Variants in EYA4 observed in about 807,000 individuals in gnomAD.
EYA4 encodes the protein EYA transcriptional coactivator and phosphatase 4, also known as protein phosphatase EYA4.
Under a neutral mutation model 87.9 loss-of-function variants are expected in EYA4, and 31 were observed. That is an observed-to-expected ratio of 0.35 (90% CI 0.27 to 0.48). The LOEUF (loss-of-function observed/expected upper bound fraction) is 0.48. EYA4 is among the 20% of genes least tolerant of loss of function. The pLI is 0.99. For missense variants in EYA4, 678 were observed against 761.4 expected (o/e 0.89, Z 1.29); for synonymous variants, 263 against 270.6 (o/e 0.97, Z 0.28).
At chr6:133,501,718 A>T (rs1004799886) in intron 13 of EYA4, among the ~76,000 whole-genome samples, 4 of 152,176 alleles carry the variant, frequency 2.6e-5, no homozygotes, top group African/African-American at 9.7e-5. Context: ...CAAAAGAATA[A>T]CTGTTTCAAG....
chr6:133,362,140 C>T (rs1784493919), intron 2 of EYA4, among the ~76,000 whole-genome samples: 2 of 152,140 alleles, frequency 1.3e-5, no homozygotes, highest in African/African-American at 4.8e-5. Context: ...AAAGTATTAA[C>T]CCTCAAGGTT....
At chr6:133,453,359 C>A (rs924443926) in intron 5 of EYA4, among the ~76,000 whole-genome samples, 7 of 151,844 alleles carry the variant, frequency 4.6e-5, no homozygotes, top group African/African-American at 1.7e-4. Context: ...GTGAAAATAA[C>A]GTTGTTTTCC....
intron 9 of EYA4, among the ~76,000 whole-genome samples, chr6:133,463,738 T>C (rs933709723): frequency 6.6e-6 from 1 of 152,184 alleles, no homozygotes; most frequent in Non-Finnish European, 1.5e-5. Flanking sequence ...TTACTATCTG[T>C]CATTTTGTCT....
intron 1 of EYA4, among the ~76,000 whole-genome samples, chr6:133,252,978 C>G (rs897332392): frequency 6.7e-5 from 10 of 150,212 alleles, no homozygotes; most frequent in Non-Finnish European, 1.5e-4. Context: ...CACACACACA[C>G]ACACACACAC....
chr6:133,362,337 A>T (rs1784508649), intron 2 of EYA4, among the ~76,000 whole-genome samples: 1 of 152,170 alleles, frequency 6.6e-6, no homozygotes, highest in African/African-American at 2.4e-5. Context: ...GGTATTGACT[A>T]GTCTTTGGGC....
At chr6:133,350,287 G>A (rs893346648) in intron 2 of EYA4, among the ~76,000 whole-genome samples, 1 of 152,118 alleles carries the variant, frequency 6.6e-6, no homozygotes, top group Non-Finnish European at 1.5e-5. Flanking sequence ...CCTACTTGGA[G>A]GGGAGAGAAA....
At chr6:133,286,979 C>A (rs1241688456) in intron 2 of EYA4, among the ~76,000 whole-genome samples, 1 of 152,044 alleles carries the variant, frequency 6.6e-6, no homozygotes, top group East Asian at 1.9e-4. Flanking sequence ...GTCAGTAGCA[C>A]CCCCCTTCCT....
At chr6:133,356,746 A>AGTGTGTGTGTGT (rs58234857) in intron 2 of EYA4, among the ~76,000 whole-genome samples, 2 of 136,796 alleles carry the variant, frequency 1.5e-5, no homozygotes, top group Non-Finnish European at 3.1e-5. Context: ...AGCATTATTC[A>AGTGTGTGTGTGT]GTGTGTGTGT....
intron 2 of EYA4, among the ~76,000 whole-genome samples, chr6:133,372,426 G>A (rs962764750): frequency 1.3e-5 from 2 of 151,328 alleles, no homozygotes; most frequent in Non-Finnish European, 3.0e-5. Context: ...CTGAGAAAAG[G>A]TGATTTGTAA....
At chr6:133,458,712 TG>T (rs1794119420) in intron 6 of EYA4, among the ~76,000 whole-genome samples, 1 of 152,240 alleles carries the variant, frequency 6.6e-6, no homozygotes, top group South Asian at 2.1e-4. Context: ...AAGTGTCCCC[TG>T]GCAGGCAAAA....
At chr6:133,419,719 G>A (rs1177259468) in intron 3 of EYA4, among the ~76,000 whole-genome samples, 4 of 152,258 alleles carry the variant, frequency 2.6e-5, no homozygotes, top group Non-Finnish European at 4.4e-5. Flanking sequence ...AAAAAAGTCT[G>A]TGCAATTAAA....
intron 14 of EYA4, among the ~76,000 whole-genome samples, chr6:133,508,486 G>C (rs1022593147): frequency 4.6e-5 from 7 of 151,908 alleles, no homozygotes; most frequent in Admixed American, 4.6e-4. Context: ...AATATTATTA[G>C]TCTTTTCAAA....
chr6:133,320,932 C>G (rs1436353009), intron 2 of EYA4, among the ~76,000 whole-genome samples: 4 of 152,096 alleles, frequency 2.6e-5, no homozygotes, highest in Non-Finnish European at 4.4e-5. Flanking sequence ...ATTGATTCAA[C>G]AATGGTCTAA....
intron 1 of EYA4, chr6:133,247,557 A>G (rs1774510682): frequency 6.6e-6 from 1 of 152,224 alleles, no homozygotes; most frequent in Non-Finnish European, 1.5e-5. Context: ...CATTCAATTT[A>G]TCTGGTTATC....
intron 11 of EYA4, among the ~76,000 whole-genome samples, chr6:133,469,198 C>T (rs939483493): frequency 6.6e-6 from 1 of 151,972 alleles, no homozygotes; most frequent in African/African-American, 2.4e-5. Flanking sequence ...TATTTAAAAT[C>T]CATTGTGTGT....
intron 2 of EYA4, among the ~76,000 whole-genome samples, chr6:133,301,450 G>A (rs974893340): frequency 4.6e-5 from 7 of 152,068 alleles, no homozygotes; most frequent in East Asian, 1.9e-4. Flanking sequence ...GTGGATTCCC[G>A]GATGCCTTTT....
intron 2 of EYA4, chr6:133,325,534 C>T (rs1781434275): frequency 6.6e-6 from 1 of 152,162 alleles, no homozygotes; most frequent in African/African-American, 2.4e-5. Context: ...ATATTCACAT[C>T]TGTATGATCC....
intron 2 of EYA4, among the ~76,000 whole-genome samples, chr6:133,301,018 G>A (rs1189357101): frequency 6.6e-6 from 1 of 152,132 alleles, no homozygotes; most frequent in Non-Finnish European, 1.5e-5. Context: ...GCCAACTCTA[G>A]CCAGGCCTTG....
intron 5 of EYA4, among the ~76,000 whole-genome samples, chr6:133,448,528 C>T (rs924093400): frequency 2.6e-5 from 4 of 152,072 alleles, no homozygotes; most frequent in East Asian, 1.9e-4. Context: ...AGAATGGCCA[C>T]GCATGCAAAC....
Sources: allele counts gnomAD v4.1 joint callset (sites outside exome capture counted in the v4.1 genomes callset), GRCh38; gene constraint gnomAD v4.1.1; transcripts MANE v1.5; gene names NCBI Gene and HGNC (gene_info 2026-07-23, HGNC 2026-07-21).